RAET1L: variants seen among roughly 807,000 people sequenced by gnomAD.
The protein encoded by RAET1L is retinoic acid early transcript 1L, also known as UL16-binding protein 6.
In RAET1L, 16 loss-of-function variants were observed where a neutral mutation model predicts 23.9. That is an observed-to-expected ratio of 0.67 (90% CI 0.45 to 1.02). RAET1L has a LOEUF of 1.02. RAET1L is among the 50% of genes least tolerant of loss of function. RAET1L has a pLI of 0.00. For missense variants in RAET1L, 233 were observed against 304.0 expected, an observed-to-expected ratio of 0.77 and a Z score of 1.74; for synonymous variants, 70 against 111.2, an observed-to-expected ratio of 0.63 and a Z score of 2.33.
Position 150,018,803 on chromosome 6 carries a change from G to T in RAET1L, c.*75C>A, listed in dbSNP as rs545859054. The T allele has an allele frequency of 8.3e-5, 25 of 300,646 alleles. No individual in the cohort carries two copies. The highest frequency in any genetic ancestry group is 3.3e-4 in the South Asian group (11 of 33,546). 18.6% of individuals were successfully genotyped at this position (300,646 alleles called of 1,614,324 possible). The stretch of plus-strand genomic sequence containing the variant: ...TGGTGGGCAGCTGGCCAGACAGAAG[G>T]GCGAGGTTGATCAAGACCGTGCTCA... On this transcript the variant is annotated 3_prime_UTR_variant, in exon 5 of 5. Transcript: ENST00000367341.
chr6:150,020,404 C>T (rs13218129), intron 3 of RAET1L, among the ~76,000 whole-genome samples, 165 bp from the exon 4 acceptor site: 54,791 of 151,704 alleles, frequency 0.36, 10,917 homozygotes, highest in Non-Finnish European at 0.45. Context: ...GGAAGGGAGA[C>T]GGGGTGTGTC....
Position 150,021,916 on chromosome 6 carries a change from C to G in RAET1L, c.349+64G>C, listed in dbSNP as rs991982064. 1.5e-5 allele frequency: 24 copies of G among 1,591,648 alleles called. No homozygotes were observed. In the Admixed American group the frequency reaches 3.0e-4, roughly 20 times the overall value. ...ACCCTTTTGTATTTTTACATGAAAA[C>G]TATAAATGCCTCTAACCTACCACTG... On this transcript the variant is annotated intron_variant, in intron 2 of 4. Coordinates refer to ENST00000367341, the MANE Select transcript of RAET1L (RefSeq NM_130900.3).
chr6:150,023,858 A>G (rs1779914959), intron 1 of RAET1L, among the ~76,000 whole-genome samples: 1 of 152,202 alleles, frequency 6.6e-6, no homozygotes, highest in Non-Finnish European at 1.5e-5. Context: ...CATATAAAGA[A>G]GGCCCCATGA....
chr6:150,020,735 G>C lies in RAET1L; in HGVS notation c.631+170C>G, dbSNP rs1358264680. Among the ~76,000 whole-genome samples, 14 of 152,202 alleles carry C rather than the reference G, an allele frequency of 9.2e-5. 1 individual carries two copies. Among genetic ancestry groups the C allele is most frequent in the Admixed American group, 3.3e-4 (5 of 15,292 alleles). On this transcript the variant is annotated intron_variant, in intron 3 of 4. Coordinates refer to ENST00000367341, the MANE Select transcript of RAET1L (RefSeq NM_130900.3). ...GAGTCAGGAGGGAGAAGGAAGAGGA[G>C]GGTGGGAGGGCACAGGCATGCCAGT... is the stretch of plus-strand genomic sequence containing the variant.
intron 4 of RAET1L, among the ~76,000 whole-genome samples, chr6:150,019,196 G>A (rs932887679): frequency 2.6e-5 from 4 of 152,230 alleles, no homozygotes; most frequent in African/African-American, 9.6e-5. Context: ...CTTCCAAAGA[G>A]AGGGCTCTGT....
chr6:150,021,858 C>G (rs1269592148), intron 2 of RAET1L, 122 bp downstream of exon 2: 41 of 1,266,528 alleles, frequency 3.2e-5, no homozygotes, highest in Non-Finnish European at 4.6e-5. Context: ...TCACAAAGTG[C>G]TGGGACTACA....
At chr6:150,020,883 C>T in intron 3 of RAET1L, 22 bp downstream of exon 3, 1 of 1,611,410 alleles carries the variant, frequency 6.2e-7, no homozygotes, top group Middle Eastern at 1.7e-4. Context: ...TTTAAGATCC[C>T]CGTTTCTTTT....
intron 3 of RAET1L, 106 bp from the exon 4 acceptor site, chr6:150,020,345 G>C (rs902354070): frequency 6.3e-7 from 1 of 1,595,022 alleles, no homozygotes; most frequent in East Asian, 2.2e-5. Flanking sequence ...CAAAAGTTTT[G>C]TCCCCTCCCC....
chr6:150,021,177 G>C lies in RAET1L; in HGVS notation c.359C>G (p.Thr120Ser), dbSNP rs530963292. 1 of 1,612,638 alleles carries C rather than the reference G, an allele frequency of 6.2e-7. No individual in the cohort carries two copies. Among genetic ancestry groups the C allele is most frequent in the African/African-American group, 1.3e-5 (1 of 74,828 alleles). The change falls in exon 3 of 5, where the codon ACC (threonine) becomes AGC (serine). Residue 120 changes from threonine (T) to serine (S), a missense_variant. By Grantham distance (58) the Thr-to-Ser change is moderately conservative. Transcript: ENST00000367341. ...LENYTPKEPL[T>S]LQARMSCEQK... ...CTCACAAGACATCCTTGCCTGCAGG[G>C]TGAGGGGTTCTGCCCCCATCAGAGA...
At chr6:150,024,309 G>A (rs922065751) in intron 1 of RAET1L, among the ~76,000 whole-genome samples, 6 of 151,600 alleles carry the variant, frequency 4.0e-5, no homozygotes, top group Non-Finnish European at 7.4e-5. Flanking sequence ...AGGGGATGGG[G>A]CACTGGGACA....
At chr6:150,021,603 T>TA (rs1779889636) in intron 2 of RAET1L, among the ~76,000 whole-genome samples, 1 of 132,670 alleles carries the variant, frequency 7.5e-6, no homozygotes, top group Admixed American at 7.3e-5. Context: ...CTGGCTTTTT[T>TA]TTTTTTTTTT....
chr6:150,024,640 C>T (rs1201100309), intron 1 of RAET1L, among the ~76,000 whole-genome samples: 1 of 151,960 alleles, frequency 6.6e-6, no homozygotes, highest in Non-Finnish European at 1.5e-5. Context: ...AATGGTGCTT[C>T]CCATCCCCCC....
chr6:150,021,656 C>T (rs1240141497), intron 2 of RAET1L, among the ~76,000 whole-genome samples: 1 of 127,592 alleles, frequency 7.8e-6, no homozygotes, highest in Admixed American at 8.3e-5. Context: ...AGTGCAATGG[C>T]ACCACCTCGG....
chr6:150,021,082 C>T lies in RAET1L; in HGVS notation c.454G>A (p.Asp152Asn). The change falls in exon 3 of 5, where the codon GAC becomes AAC. Residue 152 changes from aspartate to asparagine, a missense_variant. Around this residue, in one of 4 missense-constraint regions of RAET1L, gnomAD observed 139 missense variants for 125.3 expected, o/e 1.11. Transcript: ENST00000367341. ...GTTGTCCACATTCTCTTCTCTGAGT[C>T]AAAGAGTAGGAAGGTCTGTCCATCG... ...SIDGQTFLLF[D>N]SEKRMWTTVH... 6.2e-7 allele frequency: 1 copy of T among 1,614,184 alleles called. No homozygotes were observed. Among genetic ancestry groups the T allele is most frequent in the Non-Finnish European group, 8.5e-7 (1 of 1,180,028 alleles).
chr6:150,021,637 C>G (rs1779890256), intron 2 of RAET1L, among the ~76,000 whole-genome samples: 1 of 115,164 alleles, frequency 8.7e-6, no homozygotes, highest in Admixed American at 9.5e-5. Context: ...ACTCTGTTGC[C>G]CAGGCTGGAG....
intron 3 of RAET1L, among the ~76,000 whole-genome samples, 161 bp downstream of exon 3, chr6:150,020,744 G>A (rs143596053): frequency 0.028 from 4,313 of 152,044 alleles, 221 homozygotes; most frequent in African/African-American, 0.098. Context: ...AGGGTGGGAG[G>A]GCACAGGCAT....
intron 4 of RAET1L, among the ~76,000 whole-genome samples, chr6:150,019,376 A>G (rs1418014513): frequency 1.3e-5 from 2 of 152,160 alleles, no homozygotes; most frequent in Non-Finnish European, 2.9e-5. Context: ...GAACCCCAGC[A>G]GCAGCTCAGA....
intron 2 of RAET1L, among the ~76,000 whole-genome samples, chr6:150,021,400 G>C (rs1349611466): frequency 1.5e-5 from 2 of 136,220 alleles, no homozygotes; most frequent in East Asian, 4.0e-4. Context: ...GTGCAGTGGC[G>C]CGATCTCGGC....
In RAET1L at chr6:150,018,465, C is replaced by A. The variant is rs1036444546; in HGVS notation, c.*413G>T. On this transcript the variant is annotated 3_prime_UTR_variant, in exon 5 of 5. Coordinates refer to ENST00000367341, the MANE Select transcript of RAET1L (RefSeq NM_130900.3). ...TCTCTTTCAGGACATGGAAAGAATC[C>A]CTGGAGGTCTGAAGTCTAACATGAT... 5.3e-5 allele frequency: 8 copies of A among 151,624 alleles called. No individual in the cohort carries two copies. The highest frequency in any genetic ancestry group is 1.2e-4 in the Non-Finnish European group (8 of 67,918). The allele number at this position is 151,624 out of a possible 1,614,324, so 9.4% of individuals were successfully genotyped here.
Sources: gnomAD v4.1 joint callset for allele counts (sites outside exome capture counted in the v4.1 genomes callset) on GRCh38, gnomAD v4.1.1 for gene constraint, gnomAD v4.1.1 regional missense constraint, MANE v1.5 for transcripts, NCBI Gene and HGNC (gene_info 2026-07-23, HGNC 2026-07-21) for gene names.